Variants in PDXDC1 observed in about 807,000 individuals in gnomAD.
The protein encoded by PDXDC1 is pyridoxal dependent decarboxylase domain containing 1.
A neutral mutation model predicts 100.1 loss-of-function variants in PDXDC1; 42 were observed. The ratio of observed to expected loss-of-function variants is 0.42; its 90% confidence interval spans 0.33 to 0.54. PDXDC1 has a LOEUF of 0.54. Among genes scored for constraint, PDXDC1 ranks in the 20% least tolerant of loss-of-function variants. The pLI is 0.10. For synonymous variants in PDXDC1, 260 were observed against 371.7 expected, an observed-to-expected ratio of 0.70 and a Z score of 3.46; for missense variants, 636 against 979.2, an observed-to-expected ratio of 0.65 and a Z score of 4.68.
chr16:15,029,141 C>T, intron 15 of PDXDC1, 175 bp downstream of exon 15: 1 of 733,408 alleles, frequency 1.4e-6, no homozygotes, highest in Non-Finnish European at 2.3e-6. Context: ...ACCTCACGAG[C>T]TGGGTCACCT....
downstream of PDXDC1, among the ~76,000 whole-genome samples, chr16:15,140,367 C>A (rs957964966): frequency 1.1e-4 from 17 of 149,546 alleles, no homozygotes; most frequent in Non-Finnish European, 1.8e-4. Flanking sequence ...TCACTTGAAC[C>A]CGGGAGGCAG....
chr16:15,030,785 G>A (rs531866102), intron 16 of PDXDC1, among the ~76,000 whole-genome samples: 20 of 151,782 alleles, frequency 1.3e-4, no homozygotes, highest in African/African-American at 7.2e-5. Context: ...GTTTTGCCAC[G>A]TTGGCCAGGC....
intron 16 of PDXDC1, among the ~76,000 whole-genome samples, chr16:15,092,164 G>A (rs2046158533): frequency 6.6e-6 from 1 of 152,128 alleles, no homozygotes; most frequent in African/African-American, 2.4e-5. Context: ...GGGTGACAGA[G>A]GAAGACTCCA....
chr16:14,995,826 A>G (rs1597373833), intron 1 of PDXDC1, among the ~76,000 whole-genome samples: 1 of 152,386 alleles, frequency 6.6e-6, no homozygotes, highest in East Asian at 1.9e-4. Flanking sequence ...AGAGCCTGTT[A>G]TTGGTCTATT....
chr16:15,055,466 ACCT>A (rs1003992149), intron 16 of PDXDC1, among the ~76,000 whole-genome samples: 5 of 152,102 alleles, frequency 3.3e-5, no homozygotes, highest in African/African-American at 1.2e-4. Context: ...CCCTGGAATA[ACCT>A]CCTGCTTCAC....
chr16:15,047,585 C>T (rs371603293), intron 16 of PDXDC1: 1 of 1,467,770 alleles, frequency 6.8e-7, no homozygotes, highest in Non-Finnish European at 9.6e-7. Flanking sequence ...CAAGTTATTC[C>T]CTGATGCGAG....
At chr16:14,978,112 A>G (rs1245238096) in intron 1 of PDXDC1, among the ~76,000 whole-genome samples, 2 of 152,128 alleles carry the variant, frequency 1.3e-5, no homozygotes, top group Non-Finnish European at 2.9e-5. Context: ...CTTTTCTTCC[A>G]CAACAGTATC....
intron 16 of PDXDC1, among the ~76,000 whole-genome samples, chr16:15,048,600 G>C (rs989984678): frequency 2.6e-5 from 4 of 152,154 alleles, no homozygotes; most frequent in African/African-American, 9.6e-5. Flanking sequence ...AGGAATAGTG[G>C]ATGGATGGCT....
At chr16:15,024,165 C>G (rs1359914892) in intron 13 of PDXDC1, among the ~76,000 whole-genome samples, 1 of 152,274 alleles carries the variant, frequency 6.6e-6, no homozygotes, top group African/African-American at 2.4e-5. Flanking sequence ...TCTGTCCCTT[C>G]TTCCAATGGC....
chr16:15,031,320 A>G (rs555020168), intron 16 of PDXDC1, among the ~76,000 whole-genome samples: 3 of 151,926 alleles, frequency 2.0e-5, no homozygotes, highest in African/African-American at 7.2e-5. Context: ...CGCTGTCACC[A>G]TCTCCCTGTC....
intron 16 of PDXDC1, chr16:15,070,969 C>T (rs1447532301): frequency 1.8e-6 from 1 of 550,906 alleles, no homozygotes; most frequent in Non-Finnish European, 3.2e-6. Flanking sequence ...CTAAAATCAC[C>T]ACTTAGAAAT....
At chr16:15,048,077 C>A (rs2044147719) in intron 16 of PDXDC1, 1 of 1,607,888 alleles carries the variant, frequency 6.2e-7, no homozygotes, top group Admixed American at 1.7e-5. Context: ...AACAGACTGA[C>A]CTCTGAGAAG....
downstream of PDXDC1, among the ~76,000 whole-genome samples, chr16:15,143,615 G>A (rs907478445): frequency 3.3e-5 from 5 of 152,218 alleles, no homozygotes; most frequent in African/African-American, 4.8e-5. Flanking sequence ...GGCTGGCAGG[G>A]CCCGGGAAGT....
At chr16:14,981,539 T>G (rs1286312436) in intron 1 of PDXDC1, among the ~76,000 whole-genome samples, 1 of 152,296 alleles carries the variant, frequency 6.6e-6, no homozygotes, top group Non-Finnish European at 1.5e-5. Context: ...AACAGTAAAG[T>G]TTTTAGAAAT....
intron 16 of PDXDC1, among the ~76,000 whole-genome samples, chr16:15,031,037 G>A (rs548571545): frequency 3.3e-5 from 5 of 150,388 alleles, no homozygotes; most frequent in Admixed American, 2.7e-4. Context: ...TTGCAACCTC[G>A]ACCTCCTGGG....
chr16:14,979,812 T>C (rs1393009197), intron 1 of PDXDC1, among the ~76,000 whole-genome samples: 3 of 152,282 alleles, frequency 2.0e-5, no homozygotes, highest in Non-Finnish European at 4.4e-5. Flanking sequence ...CATTACTTAC[T>C]GATAAGGACT....
Position 14,986,264 on chromosome 16 carries a change from G to A in PDXDC1, c.21+11044G>A, listed in dbSNP as rs1369180746. ...AAGGCAGGCAGATTATCTGAGGGCA[G>A]GAGTTTGACCCGGCCAACATGGTAA... On this transcript the variant is annotated intron_variant, in intron 1 of 22. Coordinates refer to ENST00000396410, the MANE Select transcript of PDXDC1 (RefSeq NM_015027.4). Among the ~76,000 whole-genome samples the A allele has an allele frequency of 2.6e-5, 4 of 152,284 alleles. No individual in the cohort carries two copies. The East Asian group carries it at 7.7e-4, about 29-fold the overall frequency.
At chr16:15,128,301 G>T in intron 16 of PDXDC1, 1 of 1,609,990 alleles carries the variant, frequency 6.2e-7, no homozygotes, top group Non-Finnish European at 8.5e-7. Context: ...CCAGGCTGTT[G>T]CGGTGGAAGG....
intron 16 of PDXDC1, among the ~76,000 whole-genome samples, chr16:15,124,555 A>AT (rs2047600090): frequency 6.6e-6 from 1 of 150,682 alleles, no homozygotes; most frequent in Non-Finnish European, 1.5e-5. Context: ...TGGGCGGATC[A>AT]CAAGGTCAGG....
Sources: gnomAD v4.1 joint callset for allele counts (sites outside exome capture counted in the v4.1 genomes callset) on GRCh38, gnomAD v4.1.1 for gene constraint, MANE v1.5 for transcripts, NCBI Gene and HGNC (gene_info 2026-07-23, HGNC 2026-07-21) for gene names.